HIVEP3: variants seen among roughly 807,000 people sequenced by gnomAD.
HIVEP3 encodes the protein HIVEP zinc finger 3.
Under a neutral mutation model 152.8 loss-of-function variants are expected in HIVEP3, and 49 were observed. The observed-to-expected ratio is 0.32, with a 90% CI of 0.26 to 0.41. HIVEP3 has a LOEUF of 0.41. Among genes scored for constraint, HIVEP3 ranks in the 10% least tolerant of loss-of-function variants. The pLI is 1.00. For synonymous variants in HIVEP3, 1,269 were observed against 1,289.0 expected (o/e 0.98, Z 0.33); for missense variants, 2,790 against 3,103.3 (o/e 0.90, Z 2.40).
chr1:41,523,290 T>G (rs895227803), intron 6 of HIVEP3, among the ~76,000 whole-genome samples: 1 of 151,928 alleles, frequency 6.6e-6, no homozygotes, highest in African/African-American at 2.4e-5. Context: ...GAAGCACCCA[T>G]GGGGTGGGTG....
At chr1:41,949,773 T>C (rs1645095673) in intron 1 of HIVEP3, among the ~76,000 whole-genome samples, 1 of 152,228 alleles carries the variant, frequency 6.6e-6, no homozygotes, top group African/African-American at 2.4e-5. Flanking sequence ...CAAATCATTC[T>C]TCAAATGGAG....
chr1:41,600,999 T>C (rs1003892119), intron 3 of HIVEP3, among the ~76,000 whole-genome samples: 1 of 152,202 alleles, frequency 6.6e-6, no homozygotes, highest in African/African-American at 2.4e-5. Flanking sequence ...CCCAGCACCA[T>C]TTATTGAAGA....
intron 1 of HIVEP3, among the ~76,000 whole-genome samples, chr1:42,030,203 A>G (rs1255804572): frequency 6.6e-6 from 1 of 152,208 alleles, no homozygotes; most frequent in Non-Finnish European, 1.5e-5. Context: ...CCTTGAATGC[A>G]GCCCAACAGA....
intron 5 of HIVEP3, among the ~76,000 whole-genome samples, chr1:41,558,934 C>T (rs896480377): frequency 5.3e-5 from 8 of 152,224 alleles, no homozygotes; most frequent in Non-Finnish European, 1.0e-4. Flanking sequence ...CCTGCCTGCC[C>T]AGTAAGCCTG....
At chr1:41,942,729 C>A (rs1645051908) in intron 1 of HIVEP3, among the ~76,000 whole-genome samples, 1 of 152,052 alleles carries the variant, frequency 6.6e-6, no homozygotes, top group African/African-American at 2.4e-5. Context: ...TAGTTGCATT[C>A]ATAAAACTGA....
intron 2 of HIVEP3, among the ~76,000 whole-genome samples, chr1:41,697,440 CCTTT>C (rs1356078929): frequency 1.3e-5 from 2 of 152,218 alleles, no homozygotes; most frequent in African/African-American, 4.8e-5. Context: ...CACGTGCACG[CCTTT>C]CTTAGCTCTG....
chr1:42,029,529 A>T (rs1351834461), intron 1 of HIVEP3, among the ~76,000 whole-genome samples: 2 of 152,238 alleles, frequency 1.3e-5, no homozygotes, highest in Non-Finnish European at 2.9e-5. Context: ...AAGGCATGAT[A>T]CTTGAAAATC....
At chr1:41,528,069 C>T (rs1643063764) in intron 5 of HIVEP3, among the ~76,000 whole-genome samples, 1 of 121,502 alleles carries the variant, frequency 8.2e-6, no homozygotes, top group Non-Finnish European at 1.7e-5. Flanking sequence ...TACCTTCACA[C>T]TCATACCCTT....
At chr1:41,917,795 G>C (rs1030666049) in intron 1 of HIVEP3, among the ~76,000 whole-genome samples, 1 of 152,092 alleles carries the variant, frequency 6.6e-6, no homozygotes, top group African/African-American at 2.4e-5. Context: ...CAGGTTGGGG[G>C]TTGGGAAATG....
In HIVEP3 at chr1:41,668,305, C is replaced by T. The variant is rs965890937; in HGVS notation, c.-721+32611G>A. Among the ~76,000 whole-genome samples the T allele has an allele frequency of 7.2e-5, 11 of 152,144 alleles. No individual in the cohort carries two copies. In the South Asian group the frequency reaches 1.5e-3, roughly 20 times the overall value. ...AGTGGATGAAAGCAGTGAATGCTGCCGAAGACATGGGCGAGAGAGATGAAT... is the reference window on the plus strand; with the variant it reads ...AGTGGATGAAAGCAGTGAATGCTGCTGAAGACATGGGCGAGAGAGATGAAT... On this transcript the variant is annotated intron_variant, in intron 2 of 8. Coordinates refer to ENST00000372583, the MANE Select transcript of HIVEP3 (RefSeq NM_024503.5).
chr1:41,771,044 A>G (rs575218296), intron 1 of HIVEP3, among the ~76,000 whole-genome samples: 1 of 152,332 alleles, frequency 6.6e-6, no homozygotes, highest in South Asian at 2.1e-4. Context: ...GCCACAGTAC[A>G]TAAATAGATA....
At chr1:41,835,716 C>T (rs552770646) in intron 1 of HIVEP3, among the ~76,000 whole-genome samples, 51 of 152,242 alleles carry the variant, frequency 3.3e-4, no homozygotes, top group Admixed American at 7.9e-4. Flanking sequence ...AGTAGCTCTC[C>T]GCCCTGGGAT....
At chr1:41,996,665 G>A (rs1557555005) in intron 1 of HIVEP3, among the ~76,000 whole-genome samples, 1 of 152,146 alleles carries the variant, frequency 6.6e-6, no homozygotes, top group African/African-American at 2.4e-5. Context: ...TCCTGACTTA[G>A]CCCTGTGTAT....
At chr1:41,575,468 T>G in intron 5 of HIVEP3, 76 bp downstream of exon 5, 2 of 1,528,314 alleles carry the variant, frequency 1.3e-6, no homozygotes, top group Non-Finnish European at 9.0e-7. Context: ...ACTGAGCCAC[T>G]GCTGCCCGTG....
Position 41,668,112 on chromosome 1 carries a change from T to G in HIVEP3, c.-721+32804A>C, listed in dbSNP as rs185997511. On this transcript the variant is annotated intron_variant, in intron 2 of 8. Coordinates refer to ENST00000372583, the MANE Select transcript of HIVEP3 (RefSeq NM_024503.5). ...CTCCTGAGACTTTCATCCAACTGAT[T>G]GATATAATCCATGTGGCCAGCCCAG... Among the ~76,000 whole-genome samples, 253 of 152,294 alleles carry G rather than the reference T, an allele frequency of 1.7e-3. 2 individuals carry two copies. The highest frequency in any genetic ancestry group is 5.8e-3 in the African/African-American group (239 of 41,558).
rs1177834539 is a variant in HIVEP3 at position 41,873,164 on chromosome 1, C to A, written c.-801+45249G>T. 6.6e-6 allele frequency among the ~76,000 whole-genome samples: 1 copy of A among 152,222 alleles called. No individual in the cohort carries two copies. Among genetic ancestry groups the A allele is most frequent in the Non-Finnish European group, 1.5e-5 (1 of 68,038 alleles). On this transcript the variant is annotated intron_variant, in intron 1 of 8. Coordinates refer to ENST00000372583, the MANE Select transcript of HIVEP3 (RefSeq NM_024503.5). The surrounding 1 kb of genome is among the most constrained non-coding windows in gnomAD (Gnocchi z 4.2). ...AGGACTGCTCTAGCCAGATGCCTCCCCTGGTGTTTACTTCACCCACAGGAA... is the reference window on the plus strand; with the variant it reads ...AGGACTGCTCTAGCCAGATGCCTCCACTGGTGTTTACTTCACCCACAGGAA...
chr1:41,635,669 T>C (rs557385474), intron 2 of HIVEP3, among the ~76,000 whole-genome samples: 7 of 150,052 alleles, frequency 4.7e-5, no homozygotes, highest in African/African-American at 1.7e-4. Flanking sequence ...TATATATACA[T>C]ACATAGCTGC....
chr1:41,633,416 G>C (rs906801906), intron 2 of HIVEP3, among the ~76,000 whole-genome samples: 2 of 152,148 alleles, frequency 1.3e-5, no homozygotes, highest in African/African-American at 4.8e-5. Context: ...GGGCGGGCTG[G>C]AGTGGGGTCC....
intron 1 of HIVEP3, among the ~76,000 whole-genome samples, chr1:41,859,825 G>C (rs1557456047): frequency 6.6e-6 from 1 of 152,108 alleles, no homozygotes; most frequent in Non-Finnish European, 1.5e-5. Flanking sequence ...TGTTCCTCTT[G>C]CGAATTGCCT....
Sources: gnomAD v4.1 joint callset for allele counts (sites outside exome capture counted in the v4.1 genomes callset) on GRCh38, gnomAD v4.1.1 for gene constraint, Gnocchi (gnomAD v3.1) non-coding constraint, MANE v1.5 for transcripts, NCBI Gene and HGNC (gene_info 2026-07-23, HGNC 2026-07-21) for gene names.